The following RASSF6 variants were observed in gnomAD, a reference collection of about 807,000 sequenced individuals.
RASSF6 encodes the protein ras association domain-containing protein 6.
A neutral mutation model predicts 44.0 loss-of-function variants in RASSF6; 52 were observed. The observed-to-expected ratio is 1.18, with a 90% CI of 0.95 to 1.49. RASSF6 has a LOEUF of 1.49. RASSF6 is among the 40% of genes most tolerant of loss of function. The probability of loss-of-function intolerance (pLI) is 0.00; values close to 1 mark genes in which losing one functional copy is unlikely to be tolerated. For synonymous variants in RASSF6, 162 were observed against 124.6 expected (o/e 1.30, Z -2.00); for missense variants, 464 against 393.3 (o/e 1.18, Z -1.52).
At chr4:73,611,177 T>C (rs765550180) in intron 2 of RASSF6, among the ~76,000 whole-genome samples, 1 of 152,194 alleles carries the variant, frequency 6.6e-6, no homozygotes, top group African/African-American at 2.4e-5. Flanking sequence ...GCCCCCAGCC[T>C]CTGCTGTAGC....
At position 73,587,862 on chromosome 4, in the gene RASSF6, A is replaced by G; in HGVS notation, c.360T>C (p.Ser120=). ...SELDRTQIPM[S]EKRNSQEDYL... ...GACCTTCCTGGGAATTCCTTTTTTC[A>G]GACATAGGAATCTGGGTCCTGTCCA... Residue 120 remains serine (S), a synonymous_variant, in exon 5 of 11, where the codon TCT becomes TCC. Transcript: ENST00000307439. 1 of 1,607,652 alleles carries G rather than the reference A, an allele frequency of 6.2e-7. No individual in the cohort carries two copies. The highest frequency in any genetic ancestry group is 8.5e-7 in the Non-Finnish European group (1 of 1,175,548).
chr4:73,607,611 T>G (rs1255900472), intron 2 of RASSF6, among the ~76,000 whole-genome samples: 2 of 152,182 alleles, frequency 1.3e-5, no homozygotes, highest in Non-Finnish European at 2.9e-5. Context: ...GATCTCAAAG[T>G]GTGATCCCCA....
chr4:73,583,059 TATG>T (rs754166629), intron 6 of RASSF6, among the ~76,000 whole-genome samples: 3 of 152,114 alleles, frequency 2.0e-5, no homozygotes, highest in Non-Finnish European at 2.9e-5. Context: ...CTAAGGTGAA[TATG>T]ATATGTTGTA....
chr4:73,593,035 T>C (rs1340723829), intron 4 of RASSF6, among the ~76,000 whole-genome samples: 1 of 151,636 alleles, frequency 6.6e-6, no homozygotes, highest in Non-Finnish European at 1.5e-5. Context: ...TTTTTTTTTT[T>C]TTCAAAGTCT....
chr4:73,611,130 A>AG (rs1725978736), intron 2 of RASSF6, among the ~76,000 whole-genome samples: 1 of 151,932 alleles, frequency 6.6e-6, no homozygotes, highest in Admixed American at 6.6e-5. Flanking sequence ...GTCATGTTTC[A>AG]GTACCACTTA....
chr4:73,585,396 T>A, intron 5 of RASSF6, 32 bp from the exon 6 acceptor site: 1 of 1,443,922 alleles, frequency 6.9e-7, no homozygotes, highest in South Asian at 1.6e-5. Context: ...CTCATATCAT[T>A]CAGCTGCCTG....
chr4:73,582,031 G>A (rs759310129), intron 7 of RASSF6, among the ~76,000 whole-genome samples, 158 bp downstream of exon 7: 1 of 152,074 alleles, frequency 6.6e-6, no homozygotes, highest in African/African-American at 2.4e-5. Flanking sequence ...TCAAGGGATA[G>A]TTACTAAAAG....
intron 1 of RASSF6, among the ~76,000 whole-genome samples, chr4:73,618,926 G>A (rs1272839746): frequency 2.6e-5 from 4 of 152,108 alleles, no homozygotes; most frequent in Non-Finnish European, 5.9e-5. Flanking sequence ...TGACAAAAGT[G>A]CCCTTTAAGT....
intron 2 of RASSF6, chr4:73,604,020 T>C (rs886930901): frequency 2.0e-5 from 3 of 152,186 alleles, no homozygotes; most frequent in Admixed American, 2.0e-4. Context: ...CTACACAAAC[T>C]TGAAAGACTT....
intron 1 of RASSF6, among the ~76,000 whole-genome samples, chr4:73,617,720 T>C (rs1726452340): frequency 6.6e-6 from 1 of 152,234 alleles, no homozygotes; most frequent in African/African-American, 2.4e-5. Flanking sequence ...AGTTTGGTTG[T>C]TGAGATTATG....
At chr4:73,591,428 G>C (rs948983628) in intron 4 of RASSF6, among the ~76,000 whole-genome samples, 3 of 152,268 alleles carry the variant, frequency 2.0e-5, no homozygotes, top group Non-Finnish European at 4.4e-5. Context: ...AAATTAAAAT[G>C]CATCAAATAG....
At chr4:73,586,558 T>G (rs566973969) in intron 5 of RASSF6, among the ~76,000 whole-genome samples, 1 of 152,108 alleles carries the variant, frequency 6.6e-6, no homozygotes, top group Admixed American at 6.6e-5. Context: ...CTATGCATAT[T>G]CATATGTAAG....
chr4:73,599,990 C>T (rs1725178869), intron 2 of RASSF6, among the ~76,000 whole-genome samples: 1 of 152,046 alleles, frequency 6.6e-6, no homozygotes, highest in Admixed American at 6.6e-5. Flanking sequence ...ATCCCTCTGC[C>T]CAGAATGATA....
chr4:73,582,901 T>C (rs547705683), intron 6 of RASSF6, among the ~76,000 whole-genome samples: 1 of 152,182 alleles, frequency 6.6e-6, no homozygotes, highest in East Asian at 1.9e-4. Flanking sequence ...AAATAAGTTT[T>C]CTGAGAAGAT....
chr4:73,607,169 T>C (rs1406210891), intron 2 of RASSF6, among the ~76,000 whole-genome samples: 1 of 152,254 alleles, frequency 6.6e-6, no homozygotes, highest in Admixed American at 6.5e-5. Flanking sequence ...AGAATGTATC[T>C]AATCATATCA....
rs951565208 is a variant in RASSF6 at position 73,620,306 on chromosome 4, G to A, written c.-53C>T. On this transcript the variant is annotated 5_prime_UTR_variant, in exon 1 of 11. Coordinates refer to ENST00000307439, the MANE Select transcript of RASSF6 (RefSeq NM_177532.5). ...TTTTTACCTGTTATTCACACTGTGA[G>A]CAGGAGGACCCTTTTCACCATCGTT... The A allele has an allele frequency of 1.4e-6, 2 of 1,459,806 alleles. No individual in the cohort carries two copies. Among genetic ancestry groups the A allele is most frequent in the African/African-American group, 1.5e-5 (1 of 68,278 alleles). 90.4% of individuals were successfully genotyped at this position (1,459,806 alleles called of 1,614,324 possible). A position where few individuals can be genotyped will look rare whatever the true frequency, so the allele number is the denominator to read the frequency against.
chr4:73,587,910 G>A lies in RASSF6; in HGVS notation c.312C>T (p.Asp104=), dbSNP rs564196327. The A allele has an allele frequency of 2.4e-5, 38 of 1,608,652 alleles. No individual in the cohort carries two copies. Among genetic ancestry groups the A allele is most frequent in the Middle Eastern group, 1.7e-4 (1 of 6,046 alleles). Residue 104 remains aspartate, a synonymous_variant, in exon 5 of 11, where the codon GAC becomes GAT. Transcript: ENST00000307439. The stretch of plus-strand genomic sequence containing the variant: ...CCAGCTCACTAATACGATAGAGATC[G>A]TCAAATTCCCCCCAGCGTGTCATTC... The part of the protein sequence containing the change: ...SKGMTRWGEF[D]DLYRISELDR...
At chr4:73,578,742 G>A (rs1344865035) in intron 8 of RASSF6, among the ~76,000 whole-genome samples, 1 of 151,646 alleles carries the variant, frequency 6.6e-6, no homozygotes, top group Non-Finnish European at 1.5e-5. Flanking sequence ...CTGAGTAGCT[G>A]GGATTACAGG....
intron 3 of RASSF6, among the ~76,000 whole-genome samples, chr4:73,597,276 G>C (rs946437318): frequency 6.6e-6 from 1 of 151,926 alleles, no homozygotes; most frequent in Non-Finnish European, 1.5e-5. Context: ...AAATTTACAA[G>C]GGAAAAAACC....
Sources: allele counts gnomAD v4.1 joint callset (sites outside exome capture counted in the v4.1 genomes callset), GRCh38; gene constraint gnomAD v4.1.1; transcripts MANE v1.5; gene names NCBI Gene and HGNC (gene_info 2026-07-23, HGNC 2026-07-21).